The following CACNB2 variants were observed in gnomAD, a reference collection of about 807,000 sequenced individuals.
CACNB2 encodes the protein voltage-dependent L-type calcium channel subunit beta-2.
In CACNB2, 42 loss-of-function variants were observed where a neutral mutation model predicts 73.3. The observed-to-expected ratio is 0.57, with a 90% CI of 0.45 to 0.74. CACNB2 has a LOEUF of 0.74. Ranked by LOEUF, CACNB2 falls within the 30% of genes least tolerant of loss-of-function variation. The probability of loss-of-function intolerance (pLI) is 0.00; values close to 1 mark genes in which losing one functional copy is unlikely to be tolerated. For missense variants in CACNB2, 940 were observed against 853.0 expected, an observed-to-expected ratio of 1.10 and a Z score of -1.27; for synonymous variants, 348 against 310.3, an observed-to-expected ratio of 1.12 and a Z score of -1.28.
At chr10:18,424,369 C>T (rs1004393711) in intron 3 of CACNB2, among the ~76,000 whole-genome samples, 7 of 152,166 alleles carry the variant, frequency 4.6e-5, no homozygotes, top group Non-Finnish European at 7.3e-5. Flanking sequence ...GATTAAGGGG[C>T]TATTCGTGCA....
At chr10:18,193,489 CTTA>C (rs2034496844) in intron 2 of CACNB2, among the ~76,000 whole-genome samples, 1 of 152,098 alleles carries the variant, frequency 6.6e-6, no homozygotes, top group African/African-American at 2.4e-5. Flanking sequence ...CCAGGCCCAC[CTTA>C]TTATGCTAGC....
chr10:18,202,410 A>T (rs551444805), intron 2 of CACNB2, among the ~76,000 whole-genome samples: 7 of 152,072 alleles, frequency 4.6e-5, no homozygotes, highest in Non-Finnish European at 8.8e-5. Context: ...CTAACTCTCA[A>T]ATGAGCCACC....
At chr10:18,307,061 T>C (rs976016728) in intron 2 of CACNB2, among the ~76,000 whole-genome samples, 1 of 152,000 alleles carries the variant, frequency 6.6e-6, no homozygotes, top group African/African-American at 2.4e-5. Flanking sequence ...CAGGATTTTG[T>C]ATTTCACATC....
intron 11 of CACNB2, among the ~76,000 whole-genome samples, 181 bp from the exon 12 acceptor site, chr10:18,535,920 T>A (rs2053526922): frequency 6.6e-6 from 1 of 152,122 alleles, no homozygotes; most frequent in African/African-American, 2.4e-5. Context: ...ATGTGAGTGC[T>A]TAAAGCTTGC....
At chr10:18,434,591 G>A (rs753646082) in intron 3 of CACNB2, among the ~76,000 whole-genome samples, 3 of 152,130 alleles carry the variant, frequency 2.0e-5, no homozygotes, top group Non-Finnish European at 4.4e-5. Context: ...TATAGAGACA[G>A]GGTCTTGCTA....
chr10:18,246,936 C>T (rs752045207), intron 2 of CACNB2, among the ~76,000 whole-genome samples: 3 of 152,038 alleles, frequency 2.0e-5, no homozygotes, highest in African/African-American at 4.8e-5. Flanking sequence ...AAACCTAGCC[C>T]GAATAAGTAG....
intron 3 of CACNB2, among the ~76,000 whole-genome samples, chr10:18,435,118 G>A (rs2046069704): frequency 6.6e-6 from 1 of 152,096 alleles, no homozygotes; most frequent in Admixed American, 6.6e-5. Context: ...TGTCACACAA[G>A]GATAATCTGG....
intron 1 of CACNB2, among the ~76,000 whole-genome samples, chr10:18,143,872 C>T (rs1360988186): frequency 1.3e-5 from 2 of 152,134 alleles, no homozygotes; most frequent in Non-Finnish European, 1.5e-5. Context: ...TCTACCTCAC[C>T]TCTGGATTAT....
intron 6 of CACNB2, among the ~76,000 whole-genome samples, chr10:18,507,856 G>C (rs762081937): frequency 2.6e-5 from 4 of 152,168 alleles, no homozygotes; most frequent in Non-Finnish European, 5.9e-5. Flanking sequence ...TTAAGGACAG[G>C]ATTTCTCTAT....
chr10:18,411,324 T>C (rs1391043255), intron 3 of CACNB2, among the ~76,000 whole-genome samples: 5 of 152,150 alleles, frequency 3.3e-5, no homozygotes, highest in African/African-American at 1.2e-4. Context: ...TGTTGACATA[T>C]ACTTATGACT....
chr10:18,485,846 G>A (rs910246515), intron 3 of CACNB2, among the ~76,000 whole-genome samples: 1 of 151,194 alleles, frequency 6.6e-6, no homozygotes, highest in African/African-American at 2.4e-5. Flanking sequence ...GCCTCCCAAA[G>A]TGCTGGGATT....
intron 2 of CACNB2, among the ~76,000 whole-genome samples, chr10:18,378,460 C>G (rs947107753): frequency 6.6e-6 from 1 of 152,104 alleles, no homozygotes; most frequent in Non-Finnish European, 1.5e-5. Context: ...TATTAGACTC[C>G]ACAGTTGGCC....
intron 2 of CACNB2, among the ~76,000 whole-genome samples, chr10:18,395,008 G>A (rs1175048512): frequency 6.6e-6 from 1 of 152,126 alleles, no homozygotes; most frequent in Non-Finnish European, 1.5e-5. Flanking sequence ...ACTCACACAG[G>A]CTGAAGGAGT....
intron 2 of CACNB2, among the ~76,000 whole-genome samples, chr10:18,248,962 C>T (rs2036979125): frequency 6.6e-6 from 1 of 152,198 alleles, no homozygotes; most frequent in African/African-American, 2.4e-5. Context: ...ACTGGAAGTT[C>T]ATGACCACAA....
At chr10:18,389,573 C>G (rs983903965) in intron 2 of CACNB2, among the ~76,000 whole-genome samples, 5 of 152,154 alleles carry the variant, frequency 3.3e-5, no homozygotes, top group Non-Finnish European at 5.9e-5. Flanking sequence ...GTCTTTGTAA[C>G]TATTTTCAAG....
At chr10:18,203,592 G>A (rs1049385582) in intron 2 of CACNB2, among the ~76,000 whole-genome samples, 3 of 152,052 alleles carry the variant, frequency 2.0e-5, no homozygotes, top group African/African-American at 4.8e-5. Context: ...ACACCCACAC[G>A]TACATACATA....
chr10:18,152,262 G>A (rs1043005070), intron 2 of CACNB2, among the ~76,000 whole-genome samples: 1 of 152,152 alleles, frequency 6.6e-6, no homozygotes, highest in African/African-American at 2.4e-5. Context: ...GTACTTCCAA[G>A]TAACTTGGCA....
At chr10:18,347,278 A>C (rs1192432513) in intron 2 of CACNB2, among the ~76,000 whole-genome samples, 2 of 151,624 alleles carry the variant, frequency 1.3e-5, no homozygotes. Context: ...CCCAGATGTA[A>C]GCAATTCTCC....
chr10:18,436,697 C>A (rs193050234), intron 3 of CACNB2, among the ~76,000 whole-genome samples: 1 of 152,294 alleles, frequency 6.6e-6, no homozygotes, highest in Admixed American at 6.5e-5. Flanking sequence ...ACTGGGTTCC[C>A]ATTCCATGTA....
Sources: gnomAD v4.1 joint callset for allele counts (sites outside exome capture counted in the v4.1 genomes callset) on GRCh38, gnomAD v4.1.1 for gene constraint, MANE v1.5 for transcripts, NCBI Gene and HGNC (gene_info 2026-07-23, HGNC 2026-07-21) for gene names.